KRT32: variants seen among roughly 807,000 people sequenced by gnomAD.
KRT32 encodes the protein keratin 32, also known as keratin, type I cuticular Ha2.
A neutral mutation model predicts 41.8 loss-of-function variants in KRT32; 44 were observed. That is an observed-to-expected ratio of 1.05 (90% confidence interval 0.83 to 1.35). The LOEUF is 1.35. Among genes scored for constraint, KRT32 ranks in the 40% most tolerant of loss-of-function variants. The pLI is 0.00. For synonymous variants in KRT32, 238 were observed against 242.5 expected, an observed-to-expected ratio of 0.98 and a Z score of 0.17; for missense variants, 576 against 584.6, an observed-to-expected ratio of 0.99 and a Z score of 0.15.
chr17:41,462,288 G>A (rs538103238), intron 6 of KRT32, among the ~76,000 whole-genome samples: 71 of 152,122 alleles, frequency 4.7e-4, no homozygotes, highest in South Asian at 2.1e-4. Flanking sequence ...AATGGGCCCC[G>A]GCTGATCTTT....
Position 41,467,072 on chromosome 17 carries a change from C to T in KRT32, c.254G>A (p.Ser85Asn). 1 of 1,614,260 alleles carries T rather than the reference C, an allele frequency of 6.2e-7. No homozygotes were observed. The highest frequency in any genetic ancestry group is 8.5e-7 in the Non-Finnish European group (1 of 1,180,054). The change falls in exon 1 of 7, where the codon AGC (serine) becomes AAC (asparagine). Residue 85 changes from serine (S) to asparagine (N), a missense_variant. Ser to Asn is a conservative substitution (Grantham distance 46). Coordinates refer to ENST00000225899, the MANE Select transcript of KRT32 (RefSeq NM_002278.3). ...ATTGAAGGCCCCTTCGCTGTACCAG[C>T]TGCCGGGGCCCATGGAGCCGGAGAT... Reference protein sequence around the residue: ...SGISGSMGPGSWYSEGAFNGN... With the variant: ...SGISGSMGPGNWYSEGAFNGN...
At chr17:41,461,502 T>C (rs1454437222) in intron 6 of KRT32, among the ~76,000 whole-genome samples, 4 of 152,238 alleles carry the variant, frequency 2.6e-5, no homozygotes, top group Non-Finnish European at 5.9e-5. Context: ...CCTGGCACTA[T>C]ATATTTTCTT....
In KRT32 at chr17:41,459,766, G is replaced by A. The variant is rs1181530247; in HGVS notation, c.*344C>T. 3 of 177,462 alleles carry A rather than the reference G, an allele frequency of 1.7e-5. No individual in the cohort carries two copies. In the East Asian group the frequency reaches 5.0e-4, roughly 30 times the overall value. 11.0% of individuals were successfully genotyped at this position (177,462 alleles called of 1,614,324 possible). On this transcript the variant is annotated 3_prime_UTR_variant, in exon 7 of 7. Coordinates refer to ENST00000225899, the MANE Select transcript of KRT32 (RefSeq NM_002278.3). Reference sequence around the variant, plus strand: ...CTCTTAAGCCCAATTGAGTAGGATTGGCTTGTGGATGCAGCAGCGTAAGTG... The same window carrying A: ...CTCTTAAGCCCAATTGAGTAGGATTAGCTTGTGGATGCAGCAGCGTAAGTG...
chr17:41,466,122 T>C lies in KRT32; in HGVS notation c.523A>G (p.Lys175Glu). The change falls in exon 2 of 7, where the codon AAA becomes GAA. Residue 175 changes from lysine (K) to glutamate (E), a missense_variant. Coordinates refer to ENST00000225899, the MANE Select transcript of KRT32 (RefSeq NM_002278.3). ...ARMVVNIDNAKLAADDFRAKY... is the reference protein window; with the variant it reads ...ARMVVNIDNAELAADDFRAKY... The stretch of plus-strand genomic sequence containing the variant: ...GCCCTGAAGTCATCGGCAGCCAGTT[T>C]GGCATTATCAATGTTCACAACCATC... The C allele has an allele frequency of 1.2e-6, 2 of 1,614,190 alleles. No homozygotes were observed. Among genetic ancestry groups the C allele is most frequent in the Non-Finnish European group, 1.7e-6 (2 of 1,180,036 alleles).
chr17:41,466,250 C>T, intron 1 of KRT32, 74 bp from the exon 2 acceptor site: 1 of 1,270,060 alleles, frequency 7.9e-7, no homozygotes, highest in Admixed American at 1.7e-5. Context: ...GAAGAGAAGA[C>T]AGCAGCAAAG....
chr17:41,463,086 G>A (rs906958560), intron 5 of KRT32, 36 bp from the exon 6 acceptor site: 1 of 1,574,544 alleles, frequency 6.4e-7, no homozygotes, highest in South Asian at 1.2e-5. Context: ...GAGGAAGGGA[G>A]CTGTTTACCA....
chr17:41,464,052 A>T, intron 5 of KRT32, 26 bp downstream of exon 5: 1 of 1,546,436 alleles, frequency 6.5e-7, no homozygotes, highest in Non-Finnish European at 8.7e-7. Context: ...ATCCGGAGGG[A>T]TGGGTGCCCA....
At chr17:41,462,369 C>T (rs570128608) in intron 6 of KRT32, among the ~76,000 whole-genome samples, 2 of 152,292 alleles carry the variant, frequency 1.3e-5, no homozygotes, top group Admixed American at 1.3e-4. Context: ...CCAAAATCTC[C>T]GTTCTGAGAG....
At chr17:41,460,330 C>T (rs1181733752) in intron 6 of KRT32, 91 bp from the exon 7 acceptor site, 17 of 1,452,348 alleles carry the variant, frequency 1.2e-5, no homozygotes, top group Non-Finnish European at 1.6e-5. Context: ...TGCCTCTCAA[C>T]CCCATCTTCC....
intron 6 of KRT32, among the ~76,000 whole-genome samples, chr17:41,461,338 A>G (rs1440234637): frequency 2.6e-5 from 4 of 152,198 alleles, no homozygotes; most frequent in Admixed American, 6.5e-5. Flanking sequence ...TGAAGAATTA[A>G]TACATGGTGA....
chr17:41,464,277 C>G lies in KRT32; in HGVS notation c.870+5G>C. 1.9e-6 allele frequency: 3 copies of G among 1,591,314 alleles called. No individual in the cohort carries two copies. Among genetic ancestry groups the G allele is most frequent in the Non-Finnish European group, 2.6e-6 (3 of 1,168,212 alleles). ...AGGAGGCCATCCCCACCGTGAGAGG[C>G]CCACCTGCATATTGAACCATTCCTC... On this transcript the variant is annotated splice_donor_5th_base_variant and intron_variant, in intron 4 of 6. Coordinates refer to ENST00000225899, the MANE Select transcript of KRT32 (RefSeq NM_002278.3).
At chr17:41,460,302 G>A (rs2018989197) in intron 6 of KRT32, 63 bp from the exon 7 acceptor site, 5 of 1,536,874 alleles carry the variant, frequency 3.3e-6, no homozygotes, top group African/African-American at 1.4e-5. Context: ...CACAGGTCCT[G>A]CCAATTCTCC....
chr17:41,463,232 A>G (rs912522652), intron 5 of KRT32, among the ~76,000 whole-genome samples, 182 bp from the exon 6 acceptor site: 1 of 152,238 alleles, frequency 6.6e-6, no homozygotes, highest in Non-Finnish European at 1.5e-5. Context: ...CAGCTGGTAC[A>G]TTATGGAACC....
chr17:41,463,823 C>T lies in KRT32; in HGVS notation c.996+255G>A, dbSNP rs191181714. Reference sequence around the variant, plus strand: ...ATTGAGATCCATAGGTTTGGAAGGGCAGGCTAAGCACAGAACAAGCCTTCT... The same window carrying T: ...ATTGAGATCCATAGGTTTGGAAGGGTAGGCTAAGCACAGAACAAGCCTTCT... On this transcript the variant is annotated intron_variant, in intron 5 of 6. Coordinates refer to ENST00000225899, the MANE Select transcript of KRT32 (RefSeq NM_002278.3). Among the ~76,000 whole-genome samples the T allele has an allele frequency of 2.6e-5, 4 of 152,274 alleles. No individual in the cohort carries two copies. In the East Asian group the frequency reaches 5.8e-4, roughly 22 times the overall value.
At chr17:41,461,118 C>T (rs1019640027) in intron 6 of KRT32, among the ~76,000 whole-genome samples, 2 of 152,172 alleles carry the variant, frequency 1.3e-5, no homozygotes, top group Non-Finnish European at 1.5e-5. Flanking sequence ...TCAACTCTCA[C>T]GTCCTCCTTG....
Position 41,462,801 on chromosome 17 carries a change from C to T in KRT32, c.1217+29G>A, listed in dbSNP as rs146825370. On this transcript the variant is annotated intron_variant, in intron 6 of 6. Transcript: ENST00000225899. ...AACCTCCCAGAATCCCTGCCCACGT[C>T]TCTCTAAGCCTCAGCTGGGCCTGCG... 3.6e-4 allele frequency: 583 copies of T among 1,610,176 alleles called. 10 individuals are homozygous for T. In the East Asian group the frequency reaches 0.013, roughly 36 times the overall value.
chr17:41,465,609 AT>A (rs2019057395), intron 3 of KRT32, among the ~76,000 whole-genome samples, 163 bp downstream of exon 3: 1 of 152,104 alleles, frequency 6.6e-6, no homozygotes, highest in African/African-American at 2.4e-5. Flanking sequence ...TGTTGTCCCC[AT>A]TTTACAGAAG....
Position 41,465,876 on chromosome 17 carries a change from A to G in KRT32, c.605T>C (p.Leu202Pro). The G allele has an allele frequency of 6.2e-7, 1 of 1,614,024 alleles. No homozygotes were observed. Among genetic ancestry groups the G allele is most frequent in the Non-Finnish European group, 8.5e-7 (1 of 1,179,940 alleles). The change falls in exon 3 of 7, where the codon CTG (leucine) becomes CCG (proline). Residue 202 changes from leucine to proline, a missense_variant. Leu to Pro is a moderately conservative substitution (Grantham distance 98). Coordinates refer to ENST00000225899, the MANE Select transcript of KRT32 (RefSeq NM_002278.3). ...AGTGAGATCATCCAGGATCCTGCGCAGGCCATTGATGTCGGCCTCCACCAG... is the reference window on the plus strand; with the variant it reads ...AGTGAGATCATCCAGGATCCTGCGCGGGCCATTGATGTCGGCCTCCACCAG... ...RQLVEADINGLRRILDDLTLC... is the reference protein window; with the variant it reads ...RQLVEADINGPRRILDDLTLC...
Position 41,467,004 on chromosome 17 carries a change from C to T in KRT32, c.322G>A (p.Ala108Thr). The change falls in exon 1 of 7, where the codon GCC becomes ACC. Residue 108 changes from alanine to threonine, a missense_variant. Ala to Thr is a moderately conservative substitution (Grantham distance 58). Coordinates refer to ENST00000225899, the MANE Select transcript of KRT32 (RefSeq NM_002278.3). ...TGCCGCACCCTCGTCAGGTAGCTGG[C>T]CAGGCGGTCGTTAAGGAACTGCATG... Reference protein sequence around the residue: ...ETMQFLNDRLASYLTRVRQLE... With the variant: ...ETMQFLNDRLTSYLTRVRQLE... The T allele has an allele frequency of 6.2e-7, 1 of 1,614,222 alleles. No individual in the cohort carries two copies. The highest frequency in any genetic ancestry group is 8.5e-7 in the Non-Finnish European group (1 of 1,180,044).
Sources: gnomAD v4.1 joint callset for allele counts (sites outside exome capture counted in the v4.1 genomes callset) on GRCh38, gnomAD v4.1.1 for gene constraint, MANE v1.5 for transcripts, NCBI Gene and HGNC (gene_info 2026-07-23, HGNC 2026-07-21) for gene names.